The following KLHL22 variants were observed in gnomAD, a reference collection of about 807,000 sequenced individuals.
KLHL22 encodes kelch like family member 22.
A neutral mutation model predicts 60.7 loss-of-function variants in KLHL22; 18 were observed. The ratio of observed to expected loss-of-function variants is 0.30; its 90% CI spans 0.20 to 0.44. KLHL22 has a LOEUF of 0.44. KLHL22 is among the 20% of genes least tolerant of loss of function. The pLI is 1.00. For synonymous variants in KLHL22, 355 were observed against 354.5 expected, an observed-to-expected ratio of 1.00 and a Z score of -0.01; for missense variants, 596 against 852.3, an observed-to-expected ratio of 0.70 and a Z score of 3.74.
intron 5 of KLHL22, among the ~76,000 whole-genome samples, chr22:20,447,192 C>T (rs1008826659): frequency 6.6e-6 from 1 of 152,340 alleles, no homozygotes; most frequent in South Asian, 2.1e-4. Flanking sequence ...CCTGAACCTT[C>T]TGTGGGCTTT....
chr22:20,474,517 G>C (rs902070266), intron 2 of KLHL22, among the ~76,000 whole-genome samples: 2 of 151,906 alleles, frequency 1.3e-5, no homozygotes, highest in Admixed American at 1.3e-4. Flanking sequence ...TCAGCCTCCC[G>C]GGTAGCTGGG....
intron 2 of KLHL22, among the ~76,000 whole-genome samples, chr22:20,474,638 C>T (rs375759847): frequency 6.6e-6 from 1 of 151,400 alleles, no homozygotes; most frequent in African/African-American, 2.4e-5. Context: ...GTGATCCACC[C>T]GCCTCAGCCT....
chr22:20,478,887 G>A (rs535828572), intron 2 of KLHL22, among the ~76,000 whole-genome samples: 21 of 150,968 alleles, frequency 1.4e-4, no homozygotes, highest in African/African-American at 5.1e-4. Flanking sequence ...CCAGCACTTT[G>A]GGAGGCCGAG....
chr22:20,464,409 A>G (rs1323425921), intron 4 of KLHL22, among the ~76,000 whole-genome samples: 1 of 152,180 alleles, frequency 6.6e-6, no homozygotes, highest in Non-Finnish European at 1.5e-5. Flanking sequence ...AAGAGAGAAG[A>G]GCAAAGCTGA....
chr22:20,483,493 G>A (rs1287061450), intron 2 of KLHL22: 4 of 736,674 alleles, frequency 5.4e-6, no homozygotes, highest in African/African-American at 1.7e-5. Flanking sequence ...CTCCTTGAGA[G>A]CTTCGATCTC....
chr22:20,468,965 G>A (rs1440604345), intron 3 of KLHL22, among the ~76,000 whole-genome samples: 1 of 152,148 alleles, frequency 6.6e-6, no homozygotes, highest in Non-Finnish European at 1.5e-5. Context: ...CCAGAAGCCT[G>A]ATATGTTAAA....
chr22:20,474,253 C>T (rs1049224216), intron 2 of KLHL22, among the ~76,000 whole-genome samples: 13 of 152,184 alleles, frequency 8.5e-5, no homozygotes, highest in African/African-American at 3.1e-4. Context: ...CCTGCCTCGG[C>T]CTCCCAAAGG....
rs780029069 is a variant in KLHL22, at chr22:20,457,855, C to T, written c.1258G>A (p.Asp420Asn). The T allele has an allele frequency of 5.0e-6, 8 of 1,609,724 alleles. No individual in the cohort carries two copies. The highest frequency in any genetic ancestry group is 4.5e-5 in the East Asian group (2 of 44,790). ...HNDLNAVERY[D>N]PATNSWAYVA... ...TATGCCCAGGAGTTGGTGGCAGGGT[C>T]GTAGCGCTCCACAGCATTCAGGTCA... is the stretch of plus-strand genomic sequence containing the variant. The change falls in exon 5 of 7, where the codon GAC becomes AAC. Residue 420 changes from aspartate (D) to asparagine (N), a missense_variant. Asp to Asn is a conservative substitution (Grantham distance 23). Transcript: ENST00000328879.
intron 2 of KLHL22, among the ~76,000 whole-genome samples, chr22:20,475,564 ATT>A (rs947408103): frequency 3.5e-5 from 5 of 141,522 alleles, no homozygotes; most frequent in Admixed American, 7.1e-5. Flanking sequence ...CCTTCCTCTA[ATT>A]TTTTTTTTTT....
At chr22:20,468,783 C>T (rs1319488254) in intron 3 of KLHL22, among the ~76,000 whole-genome samples, 14 of 152,078 alleles carry the variant, frequency 9.2e-5, no homozygotes, top group Non-Finnish European at 1.6e-4. Flanking sequence ...CCTCAGCCTC[C>T]CGAGTAGCTG....
chr22:20,456,164 A>G (rs1294845415), intron 5 of KLHL22: 7 of 152,142 alleles, frequency 4.6e-5, no homozygotes, highest in Non-Finnish European at 2.9e-5. Flanking sequence ...GATTCATCCT[A>G]CCAGAGCCCC....
At chr22:20,466,631 A>G (rs938465629) in intron 3 of KLHL22, among the ~76,000 whole-genome samples, 1 of 151,920 alleles carries the variant, frequency 6.6e-6, no homozygotes, top group Non-Finnish European at 1.5e-5. Context: ...ACCAATACCC[A>G]CCCAGGAACC....
chr22:20,451,008 T>G, intron 5 of KLHL22: 1 of 1,540,176 alleles, frequency 6.5e-7, no homozygotes, highest in Non-Finnish European at 9.0e-7. Context: ...CTCCCATCGA[T>G]GCAGTAGAGA....
intron 2 of KLHL22, among the ~76,000 whole-genome samples, chr22:20,478,473 G>A (rs1191686030): frequency 6.7e-6 from 1 of 148,592 alleles, no homozygotes; most frequent in Non-Finnish European, 1.5e-5. Context: ...CCAAAGTGCT[G>A]GGATTGAGCC....
At chr22:20,448,588 AG>A (rs2052918296) in intron 5 of KLHL22, among the ~76,000 whole-genome samples, 1 of 152,170 alleles carries the variant, frequency 6.6e-6, no homozygotes, top group Admixed American at 6.5e-5. Context: ...TTTTTGAGAC[AG>A]GGTCTTGGTC....
chr22:20,483,818 G>A (rs2053543526), intron 2 of KLHL22: 1 of 739,774 alleles, frequency 1.4e-6, no homozygotes, highest in Non-Finnish European at 2.5e-6. Flanking sequence ...TCCTCGCTCT[G>A]TCCAGGTAGG....
chr22:20,461,104 G>C (rs2053147583), intron 4 of KLHL22, among the ~76,000 whole-genome samples: 1 of 152,234 alleles, frequency 6.6e-6, no homozygotes. Flanking sequence ...GTGAGAAATA[G>C]AGGTATGTTG....
chr22:20,458,173 C>A (rs1352092489), intron 4 of KLHL22, among the ~76,000 whole-genome samples, 173 bp from the exon 5 acceptor site: 1 of 152,046 alleles, frequency 6.6e-6, no homozygotes, highest in Admixed American at 6.6e-5. Flanking sequence ...CAGGCTGTTA[C>A]ACACCTGAGC....
intron 5 of KLHL22, among the ~76,000 whole-genome samples, chr22:20,452,356 A>C (rs2052993701): frequency 6.6e-6 from 1 of 152,164 alleles, no homozygotes; most frequent in African/African-American, 2.4e-5. Flanking sequence ...AGAGCCCCAC[A>C]AAACTTTGGG....
Sources: gnomAD v4.1 joint callset for allele counts (sites outside exome capture counted in the v4.1 genomes callset) on GRCh38, gnomAD v4.1.1 for gene constraint, MANE v1.5 for transcripts, NCBI Gene and HGNC (gene_info 2026-07-23, HGNC 2026-07-21) for gene names.